The following PKP4 variants were observed in gnomAD, a reference collection of about 807,000 sequenced individuals.
PKP4 encodes plakophilin 4, also known as plakophilin-4.
PKP4 carries 90 observed loss-of-function variants against 145.1 expected under a neutral mutation model. That is an observed-to-expected ratio of 0.62 (90% CI 0.52 to 0.74). The LOEUF (loss-of-function observed/expected upper bound fraction) is 0.74, where lower values mean the gene tolerates loss of function less well. PKP4 is among the 30% of genes least tolerant of loss of function. The probability of loss-of-function intolerance (pLI) is 0.00; values close to 1 mark genes in which losing one functional copy is unlikely to be tolerated. For missense variants in PKP4, 1,340 were observed against 1,482.7 expected (o/e 0.90, Z 1.58); for synonymous variants, 563 against 577.2 (o/e 0.98, Z 0.35).
rs1363244318 is a variant in PKP4, at chr2:158,634,211, A to G, written c.1484A>G (p.Asn495Ser). 6.2e-7 allele frequency: 1 copy of G among 1,614,162 alleles called. No individual in the cohort carries two copies. The highest frequency in any genetic ancestry group is 8.5e-7 in the Non-Finnish European group (1 of 1,180,016). ...TACCGAGTGCAAGAGTGCAATTATA[A>G]CAGGCTTCAGCATGCAGTGCCGGCT... ...IQYRVQECNY[N>S]RLQHAVPADD... The change falls in exon 9 of 22, where the codon AAC becomes AGC. Residue 495 changes from asparagine to serine, a missense_variant. By Grantham distance (46) the Asn-to-Ser change is conservative (BLOSUM62 1). Transcript: ENST00000389759.
intron 3 of PKP4, among the ~76,000 whole-genome samples, chr2:158,585,262 C>T (rs931764839): frequency 6.6e-6 from 1 of 152,124 alleles, no homozygotes; most frequent in African/African-American, 2.4e-5. Context: ...GATTATCTCC[C>T]CTTTTTCAGT....
rs58577988 is a variant in PKP4, at chr2:158,468,770, C to CTTTT, written c.-6+11568_-6+11571dup. ...TTAGACATTTTCTTTTCTTCTTCTT[C>CTTTT]TTTTTTTTTTTTTTTTTTTGAGACA... On this transcript the variant is annotated intron_variant, in intron 1 of 21. Transcript: ENST00000389759. Among the ~76,000 whole-genome samples, 606 of 109,912 alleles carry CTTTT rather than the reference C, an allele frequency of 5.5e-3. 22 individuals carry two copies. The highest frequency in any genetic ancestry group is 0.02 in the Middle Eastern group (3 of 150). 72.1% of individuals were successfully genotyped at this position (109,912 alleles called of 152,430 possible).
intron 1 of PKP4, among the ~76,000 whole-genome samples, chr2:158,528,365 T>C (rs1306726946): frequency 8.5e-5 from 10 of 117,908 alleles, no homozygotes; most frequent in Non-Finnish European, 1.8e-4. Flanking sequence ...GAAACCTTCA[T>C]TCTCAGTAAA....
At chr2:158,528,585 A>G (rs1262856309) in intron 1 of PKP4, among the ~76,000 whole-genome samples, 3 of 131,852 alleles carry the variant, frequency 2.3e-5, no homozygotes, top group African/African-American at 5.7e-5. Flanking sequence ...ATGTATACAT[A>G]TGTAACTAAC....
At chr2:158,542,476 C>T (rs2044605983) in intron 2 of PKP4, among the ~76,000 whole-genome samples, 1 of 152,112 alleles carries the variant, frequency 6.6e-6, no homozygotes, top group Admixed American at 6.6e-5. Flanking sequence ...GCATTTCGCT[C>T]ATTTGATCTG....
chr2:158,522,606 A>C (rs977828309), intron 1 of PKP4, among the ~76,000 whole-genome samples: 1 of 152,210 alleles, frequency 6.6e-6, no homozygotes, highest in African/African-American at 2.4e-5. Context: ...ATTTTAAAAA[A>C]AGAGACCTGG....
In PKP4 at chr2:158,662,932, G is replaced by A; in HGVS notation, c.2247G>A (p.Leu749=). 1 of 1,612,442 alleles carries A rather than the reference G, an allele frequency of 6.2e-7. No homozygotes were observed. The highest frequency in any genetic ancestry group is 8.5e-7 in the Non-Finnish European group (1 of 1,179,668). ...ACTGCGTGTGCACCCTGAGGAACCTGTCCTATCGGCTGGAGCTGGAGGTGC... is the reference window on the plus strand; with the variant it reads ...ACTGCGTGTGCACCCTGAGGAACCTATCCTATCGGCTGGAGCTGGAGGTGC... ...VENCVCTLRN[L]SYRLELEVPQ... The change falls in exon 14 of 22, where the codon CTG becomes CTA. Residue 749 remains leucine, a synonymous_variant. Transcript: ENST00000389759.
At chr2:158,636,292 A>G (rs2053804055) in intron 9 of PKP4, among the ~76,000 whole-genome samples, 1 of 151,842 alleles carries the variant, frequency 6.6e-6, no homozygotes, top group African/African-American at 2.4e-5. Flanking sequence ...TTTGCTAGAT[A>G]TATAATTCAG....
At chr2:158,672,520 C>T (rs1426660209) in intron 17 of PKP4, among the ~76,000 whole-genome samples, 1 of 152,230 alleles carries the variant, frequency 6.6e-6, no homozygotes, top group African/African-American at 2.4e-5. Context: ...GTGAACAAAG[C>T]AGCAATGGCC....
Position 158,663,299 on chromosome 2 carries a change from C to T in PKP4, c.2431C>T (p.Leu811=). ...GGATGGAGTTGGTCCTATCCCAGGA[C>T]TGTCGAAGTCCCCCAAAGGGGTTGA... is the stretch of plus-strand genomic sequence containing the variant. ...QWDGVGPIPG[L]SKSPKGVEML... is the part of the protein sequence containing the mutation. Residue 811 remains leucine (L), a synonymous_variant, in exon 15 of 22, where the codon CTG becomes TTG. Transcript: ENST00000389759. 1.2e-6 allele frequency: 2 copies of T among 1,613,902 alleles called. No homozygotes were observed. The highest frequency in any genetic ancestry group is 1.7e-6 in the Non-Finnish European group (2 of 1,179,940).
intron 1 of PKP4, among the ~76,000 whole-genome samples, chr2:158,474,868 C>T (rs1692205092): frequency 6.6e-6 from 1 of 152,178 alleles, no homozygotes; most frequent in African/African-American, 2.4e-5. Context: ...TATGAATTCA[C>T]CACCTGACTG....
intron 20 of PKP4, 48 bp from the exon 21 acceptor site, chr2:158,678,533 C>A: frequency 7.5e-7 from 1 of 1,337,070 alleles, no homozygotes. Flanking sequence ...GCCTAATGGA[C>A]CAGAGTAATA....
At chr2:158,504,571 GTACT>G (rs1697042582) in intron 1 of PKP4, among the ~76,000 whole-genome samples, 1 of 152,046 alleles carries the variant, frequency 6.6e-6, no homozygotes, top group African/African-American at 2.4e-5. Context: ...CTTGTTAGTA[GTACT>G]TAATTATTTA....
At chr2:158,464,105 G>A (rs1026012030) in intron 1 of PKP4, among the ~76,000 whole-genome samples, 6 of 152,136 alleles carry the variant, frequency 3.9e-5, no homozygotes, top group African/African-American at 1.4e-4. Flanking sequence ...ACAAGAAAGG[G>A]GATTTAGCAT....
In PKP4 at chr2:158,614,817, A is replaced by G. The variant is rs180999214; in HGVS notation, c.281-6173A>G. Among the ~76,000 whole-genome samples, 3 of 152,284 alleles carry G rather than the reference A, an allele frequency of 2.0e-5. No individual in the cohort carries two copies. In the East Asian group the frequency reaches 5.8e-4, roughly 29 times the overall value. ...GTGATATGTGAAGAAATGTGCTACT[A>G]TCTAAAATAAAATAGAAATTGTCAA... On this transcript the variant is annotated intron_variant, in intron 4 of 21. Coordinates refer to ENST00000389759, the MANE Select transcript of PKP4 (RefSeq NM_003628.6).
At chr2:158,636,506 A>G (rs2053823034) in intron 9 of PKP4, among the ~76,000 whole-genome samples, 1 of 152,006 alleles carries the variant, frequency 6.6e-6, no homozygotes, top group African/African-American at 2.4e-5. Context: ...TTTTCTTTGC[A>G]TTTAACCTGC....
chr2:158,576,800 T>G (rs2047893239), intron 2 of PKP4, among the ~76,000 whole-genome samples: 1 of 102,946 alleles, frequency 9.7e-6, no homozygotes, highest in Non-Finnish European at 2.3e-5. Flanking sequence ...GGAATCATTT[T>G]TTTTCTTAAT....
At chr2:158,506,545 C>A (rs2040994572) in intron 1 of PKP4, among the ~76,000 whole-genome samples, 1 of 152,200 alleles carries the variant, frequency 6.6e-6, no homozygotes, top group African/African-American at 2.4e-5. Context: ...GGCTTCCTGA[C>A]AGAAGTGCTT....
intron 1 of PKP4, among the ~76,000 whole-genome samples, chr2:158,519,137 ATCTC>A (rs893050839): frequency 2.1e-5 from 3 of 145,038 alleles, no homozygotes; most frequent in South Asian, 2.2e-4. Context: ...TTTTTGTAAA[ATCTC>A]TCTCTTTTTT....
Sources: allele counts gnomAD v4.1 joint callset (sites outside exome capture counted in the v4.1 genomes callset), GRCh38; gene constraint gnomAD v4.1.1; transcripts MANE v1.5; gene names NCBI Gene and HGNC (gene_info 2026-07-23, HGNC 2026-07-21).